PDGFRA: variants seen among roughly 807,000 people sequenced by gnomAD.
The protein encoded by PDGFRA is platelet derived growth factor receptor alpha.
In PDGFRA, 25 loss-of-function variants were observed where a neutral mutation model predicts 121.5. The observed-to-expected ratio is 0.21, with a 90% CI of 0.15 to 0.29. The LOEUF (loss-of-function observed/expected upper bound fraction) is 0.29. Among genes scored for constraint, PDGFRA ranks in the 10% least tolerant of loss-of-function variants. PDGFRA has a pLI of 1.00. For missense variants in PDGFRA, 1,008 were observed against 1,345.1 expected (o/e 0.75, Z 3.92); for synonymous variants, 463 against 494.8 (o/e 0.94, Z 0.85).
intron 5 of PDGFRA, 62 bp from the exon 6 acceptor site, chr4:54,267,227 C>G (rs1286246026): frequency 6.8e-7 from 1 of 1,478,482 alleles, no homozygotes; most frequent in South Asian, 1.1e-5. Context: ...CATAGTTTAT[C>G]TTAGAGTTCA....
At position 54,263,826 on chromosome 4, in the gene PDGFRA, A is replaced by G. The variant is rs139217250; in HGVS notation, c.527A>G (p.Gln176Arg). The G allele has an allele frequency of 1.2e-6, 2 of 1,613,996 alleles. No individual in the cohort carries two copies. Among genetic ancestry groups the G allele is most frequent in the African/African-American group, 2.7e-5 (2 of 74,914 alleles). The part of the protein sequence containing the change: ...GVVPASYDSR[Q>R]GFNGTFTVGP... The stretch of plus-strand genomic sequence containing the variant: ...GTACCTGCCTCCTACGACAGCAGAC[A>G]GGGCTTTAATGGGACCTTCACTGTA... Residue 176 changes from glutamine to arginine, a missense_variant, in exon 4 of 23, where the codon CAG (glutamine) becomes CGG (arginine). By Grantham distance (43) the Gln-to-Arg change is conservative. Transcript: ENST00000257290.
intron 21 of PDGFRA, among the ~76,000 whole-genome samples, chr4:54,289,602 G>T (rs1407886413): frequency 6.6e-6 from 1 of 152,210 alleles, no homozygotes; most frequent in South Asian, 2.1e-4. Context: ...ACAACTTTCT[G>T]CTGAGGTGTT....
chr4:54,272,265 A>C, intron 8 of PDGFRA, 129 bp from the exon 9 acceptor site: 1 of 905,714 alleles, frequency 1.1e-6, no homozygotes, highest in Non-Finnish European at 1.8e-6. Flanking sequence ...TACTTGTACA[A>C]CTGGTTTCAG....
At chr4:54,256,212 A>G (rs1305325034) in intron 1 of PDGFRA, among the ~76,000 whole-genome samples, 1 of 152,050 alleles carries the variant, frequency 6.6e-6, no homozygotes, top group African/African-American at 2.4e-5. Flanking sequence ...GTGAGACCTC[A>G]TCTCTACAGA....
intron 16 of PDGFRA, among the ~76,000 whole-genome samples, chr4:54,283,586 C>T (rs1724176060): frequency 6.6e-6 from 1 of 152,250 alleles, no homozygotes; most frequent in Non-Finnish European, 1.5e-5. Context: ...TCTGAAATGC[C>T]TTAAAGGCCT....
At chr4:54,255,218 G>A (rs1404522398) in intron 1 of PDGFRA, among the ~76,000 whole-genome samples, 2 of 152,110 alleles carry the variant, frequency 1.3e-5, no homozygotes, top group African/African-American at 4.8e-5. Flanking sequence ...GCATGCACAT[G>A]CAAACTTTGG....
At chr4:54,249,753 T>C (rs548716073) in intron 1 of PDGFRA, among the ~76,000 whole-genome samples, 10 of 152,058 alleles carry the variant, frequency 6.6e-5, no homozygotes, top group Non-Finnish European at 1.3e-4. Context: ...ACCTGCACAT[T>C]GTGCGCATGT....
At chr4:54,268,392 A>T (rs894895465) in intron 7 of PDGFRA, among the ~76,000 whole-genome samples, 2 of 152,220 alleles carry the variant, frequency 1.3e-5, no homozygotes, top group Admixed American at 6.5e-5. Flanking sequence ...CAAGGCAAGG[A>T]ATTGGATCAG....
rs563856141 is a variant in PDGFRA, at chr4:54,286,323, A to T, written c.2562+360A>T. 8.2e-5 allele frequency among the ~76,000 whole-genome samples: 7 copies of T among 84,984 alleles called. No homozygotes were observed. The East Asian group carries it at 1.0e-3, about 12-fold the overall frequency. The allele number at this position is 84,984 out of a possible 152,430, so 55.8% of individuals were successfully genotyped here. Reference sequence around the variant, plus strand: ...AGCACTCAATAATGTTAGCTATTTTATTTATTTATTTATTTATTTATTTAT... The same window carrying T: ...AGCACTCAATAATGTTAGCTATTTTTTTTATTTATTTATTTATTTATTTAT... On this transcript the variant is annotated intron_variant, in intron 18 of 22. Transcript: ENST00000257290.
intron 3 of PDGFRA, among the ~76,000 whole-genome samples, chr4:54,261,921 ATATATATATATTT>A (rs1722751274): frequency 1.4e-5 from 1 of 69,190 alleles, no homozygotes; most frequent in African/African-American, 5.5e-5. Context: ...ATATATATAT[ATATATATATATTT>A]TTTTTTTTTT....
At chr4:54,282,993 G>A (rs544843937) in intron 16 of PDGFRA, among the ~76,000 whole-genome samples, 1 of 152,306 alleles carries the variant, frequency 6.6e-6, no homozygotes, top group Admixed American at 6.5e-5. Context: ...TGGAGCTCTT[G>A]GGAGGGATGG....
chr4:54,232,581 A>G (rs1355269694), intron 1 of PDGFRA, among the ~76,000 whole-genome samples: 1 of 152,114 alleles, frequency 6.6e-6, no homozygotes, highest in East Asian at 1.9e-4. Context: ...GTGGCACCAG[A>G]AGGCACTTTT....
chr4:54,233,561 G>A (rs1432396645), intron 1 of PDGFRA, among the ~76,000 whole-genome samples: 3 of 152,230 alleles, frequency 2.0e-5, no homozygotes, highest in African/African-American at 4.8e-5. Flanking sequence ...AACCCCGGGG[G>A]CCCGGAGCGG....
intron 1 of PDGFRA, chr4:54,230,621 T>C (rs1577661191): frequency 6.6e-6 from 1 of 152,198 alleles, no homozygotes; most frequent in East Asian, 2.0e-4. Context: ...GACAGAAAGG[T>C]GGGAGGTAAA....
At chr4:54,283,447 G>A (rs1008204411) in intron 16 of PDGFRA, among the ~76,000 whole-genome samples, 4 of 152,208 alleles carry the variant, frequency 2.6e-5, no homozygotes, top group African/African-American at 9.6e-5. Flanking sequence ...AGCTGGAGCT[G>A]GAGTCATAGG....
chr4:54,277,281 A>G lies in PDGFRA; in HGVS notation c.1787-107A>G, dbSNP rs909889711. 3 of 800,366 alleles carry G rather than the reference A, an allele frequency of 3.7e-6. No homozygotes were observed. The African/African-American group carries it at 5.1e-5, about 14-fold the overall frequency. The allele number at this position is 800,366 out of a possible 1,614,324, so 49.6% of individuals were successfully genotyped here. ...AGGAGTCATTATGATTACTCCAAAC[A>G]GGAAAGACACTCGCCCAGCTGTCCG... On this transcript the variant is annotated intron_variant, in intron 12 of 22. Coordinates refer to ENST00000257290, the MANE Select transcript of PDGFRA (RefSeq NM_006206.6).
intron 1 of PDGFRA, among the ~76,000 whole-genome samples, chr4:54,254,282 C>G (rs185257239): frequency 6.6e-6 from 1 of 152,222 alleles, no homozygotes; most frequent in Admixed American, 6.5e-5. Context: ...TGACATGAAA[C>G]TTCACAAACA....
At chr4:54,283,984 G>C (rs1307492395) in intron 16 of PDGFRA, among the ~76,000 whole-genome samples, 2 of 152,162 alleles carry the variant, frequency 1.3e-5, no homozygotes, top group Non-Finnish European at 2.9e-5. Context: ...GAAGCAGCCA[G>C]GCCATATCGT....
chr4:54,287,296 G>A (rs1436365950), intron 18 of PDGFRA, 134 bp from the exon 19 acceptor site: 9 of 748,120 alleles, frequency 1.2e-5, no homozygotes, highest in Non-Finnish European at 2.0e-5. Flanking sequence ...CAAAACACAT[G>A]TAAAAGACAC....
Sources: gnomAD v4.1 joint callset for allele counts (sites outside exome capture counted in the v4.1 genomes callset) on GRCh38, gnomAD v4.1.1 for gene constraint, MANE v1.5 for transcripts, NCBI Gene and HGNC (gene_info 2026-07-23, HGNC 2026-07-21) for gene names.